Variants in PNKD observed in about 807,000 individuals in gnomAD.
The protein encoded by PNKD is probable thioesterase PNKD.
In PNKD, 36 loss-of-function variants were observed where a neutral mutation model predicts 45.3. That is an observed-to-expected ratio of 0.80 (90% CI 0.61 to 1.05). The LOEUF is 1.05. Among genes scored for constraint, PNKD ranks in the 50% least tolerant of loss-of-function variants. The pLI, the probability that PNKD is intolerant of heterozygous loss-of-function variation, is 0.00. For missense variants in PNKD, 511 were observed against 506.6 expected, an observed-to-expected ratio of 1.01 and a Z score of -0.08; for synonymous variants, 197 against 210.1, an observed-to-expected ratio of 0.94 and a Z score of 0.54.
intron 2 of PNKD, among the ~76,000 whole-genome samples, chr2:218,325,733 G>GT (rs1559526215): frequency 2.0e-5 from 3 of 152,168 alleles, no homozygotes; most frequent in African/African-American, 7.2e-5. Context: ...TCTTGAGGGT[G>GT]TGGGTATGCC....
Position 218,278,037 on chromosome 2 carries a change from C to A in PNKD, c.236+6488C>A, listed in dbSNP as rs891501678. 3.8e-6 allele frequency: 6 copies of A among 1,590,238 alleles called. No individual in the cohort carries two copies. The African/African-American group carries it at 5.4e-5, about 14-fold the overall frequency. On this transcript the variant is annotated intron_variant, in intron 2 of 9. Coordinates refer to ENST00000273077, the MANE Select transcript of PNKD (RefSeq NM_015488.5). The stretch of plus-strand genomic sequence containing the variant: ...GCCCCTCAGGCGTCAGAGGCTCCTA[C>A]AGCAGAAGGAAGCGCTTGGCTCCTG...
chr2:218,340,118 C>G lies in PNKD; in HGVS notation c.442C>G (p.Pro148Ala), dbSNP rs545078283. ...GGCCCAGCTGGCTGTGGCTGTGGACCCTTCAGACCCTCGGGCTGTGCAGGT... is the reference window on the plus strand; with the variant it reads ...GGCCCAGCTGGCTGTGGCTGTGGACGCTTCAGACCCTCGGGCTGTGCAGGT... Reference protein sequence around the residue: ...TQAQLAVAVDPSDPRAVQASI... With the variant: ...TQAQLAVAVDASDPRAVQASI... Residue 148 changes from proline (P) to alanine (A), a missense_variant, in exon 4 of 10, where the codon CCT becomes GCT. Transcript: ENST00000273077. This position sits in a 1 kb window ranked among gnomAD's most constrained non-coding sequence, Gnocchi z 4.2. 1.7e-5 allele frequency: 27 copies of G among 1,612,674 alleles called. No homozygotes were observed. Among genetic ancestry groups the G allele is most frequent in the Non-Finnish European group, 2.0e-5 (23 of 1,178,928 alleles).
intron 2 of PNKD, chr2:218,278,475 CCT>C (rs771779840): frequency 3.7e-5 from 59 of 1,603,144 alleles, no homozygotes; most frequent in African/African-American, 1.3e-4. Context: ...CATCCCAATC[CCT>C]GTCACCCCTC....
In PNKD at chr2:218,339,904, C is replaced by A; in HGVS notation, c.352+6C>A. On this transcript the variant is annotated splice_donor_region_variant and intron_variant, in intron 3 of 9. Coordinates refer to ENST00000273077, the MANE Select transcript of PNKD (RefSeq NM_015488.5). ...CCAGCCCCGCCTCTTCAATGGTGAG[C>A]TCTGACTGCCCCGGCCAGCATCCCC... 1 of 1,588,540 alleles carries A rather than the reference C, an allele frequency of 6.3e-7. No individual in the cohort carries two copies. Among genetic ancestry groups the A allele is most frequent in the Non-Finnish European group, 8.6e-7 (1 of 1,159,044 alleles).
intron 2 of PNKD, among the ~76,000 whole-genome samples, chr2:218,283,004 C>T (rs1692187593): frequency 1.3e-5 from 2 of 152,172 alleles, no homozygotes; most frequent in African/African-American, 4.8e-5. Flanking sequence ...CCCCTTACCC[C>T]CACCCTGGAG....
At chr2:218,280,279 A>C (rs1691756517) in intron 2 of PNKD, 8 of 617,292 alleles carry the variant, frequency 1.3e-5, no homozygotes, top group Non-Finnish European at 2.0e-5. Context: ...TCTTCTAGAC[A>C]CCCTCAGAGT....
intron 1 of PNKD, chr2:218,270,973 C>T (rs1037005629): frequency 3.1e-6 from 1 of 319,498 alleles, no homozygotes; most frequent in Non-Finnish European, 5.7e-6. Context: ...CTCAGGGCTT[C>T]AGTTTCCTCT....
chr2:218,323,303 G>T, intron 2 of PNKD: 1 of 1,557,088 alleles, frequency 6.4e-7, no homozygotes, highest in Non-Finnish European at 8.6e-7. Context: ...CGTGGCAGTG[G>T]GTCGCCGGCT....
Position 218,326,108 on chromosome 2 carries a change from G to A in PNKD, c.237-13675G>A, listed in dbSNP as rs576011878. Among the ~76,000 whole-genome samples, 4 of 152,020 alleles carry A rather than the reference G, an allele frequency of 2.6e-5. No individual in the cohort carries two copies. The highest frequency in any genetic ancestry group is 9.6e-5 in the African/African-American group (4 of 41,456). ...GACAGGACATGATGGGGAGGGGGAG[G>A]GCACATGCACTACCAACCTGAAGGT... On this transcript the variant is annotated intron_variant, in intron 2 of 9. Coordinates refer to ENST00000273077, the MANE Select transcript of PNKD (RefSeq NM_015488.5). The surrounding 1 kb of genome is among the most constrained non-coding windows in gnomAD (Gnocchi z 4.1).
At chr2:218,278,067 T>A in intron 2 of PNKD, 1 of 1,443,454 alleles carries the variant, frequency 6.9e-7, no homozygotes, top group Non-Finnish European at 9.6e-7. Flanking sequence ...CTCCTGTGCC[T>A]GGAGGATTAA....
At chr2:218,277,111 CAAG>C in intron 2 of PNKD, 1 of 1,612,416 alleles carries the variant, frequency 6.2e-7, no homozygotes, top group Non-Finnish European at 8.5e-7. Context: ...TGCCAGGAAG[CAAG>C]AAAGAGGCAC....
At chr2:218,275,752 A>G in intron 2 of PNKD, 3 of 1,148,198 alleles carry the variant, frequency 2.6e-6, no homozygotes, top group Non-Finnish European at 3.7e-6. Context: ...ACAGCATAAC[A>G]TATGGGCTCT....
At position 218,290,232 on chromosome 2, in the gene PNKD, CCT is replaced by C. The variant is rs771319516; in HGVS notation, c.236+18684_236+18685del. ...GAAATTCACAATGGCATATTCTGCC[CCT>C]GAGAAGTCCTGCAGTAAGCAACCCT... On this transcript the variant is annotated intron_variant, in intron 2 of 9. Coordinates refer to ENST00000273077, the MANE Select transcript of PNKD (RefSeq NM_015488.5). 4 of 152,340 alleles carry C rather than the reference CCT, an allele frequency of 2.6e-5. No homozygotes were observed. In the East Asian group the frequency reaches 7.7e-4, roughly 29 times the overall value. The allele number at this position is 152,340 out of a possible 1,614,324, so 9.4% of individuals were successfully genotyped here.
chr2:218,273,987 TATCCAGTG>T (rs1690978170), intron 2 of PNKD, among the ~76,000 whole-genome samples: 1 of 152,216 alleles, frequency 6.6e-6, no homozygotes, highest in African/African-American at 2.4e-5. Context: ...GTCTCTTCCA[TATCCAGTG>T]ATCCAGTGTG....
At chr2:218,331,768 A>G (rs1319265424) in intron 2 of PNKD, among the ~76,000 whole-genome samples, 1 of 151,982 alleles carries the variant, frequency 6.6e-6, no homozygotes, top group African/African-American at 2.4e-5. Flanking sequence ...GCGCCCAGCC[A>G]TGCTTTTGTA....
Position 218,323,099 on chromosome 2 carries a change from C to T in PNKD, c.237-16684C>T, listed in dbSNP as rs780303819. 2.3e-4 allele frequency: 260 copies of T among 1,149,508 alleles called. No homozygotes were observed. The Middle Eastern group carries it at 2.6e-3, about 12-fold the overall frequency. 71.2% of individuals were successfully genotyped at this position (1,149,508 alleles called of 1,614,324 possible). On this transcript the variant is annotated intron_variant, in intron 2 of 9. Coordinates refer to ENST00000273077, the MANE Select transcript of PNKD (RefSeq NM_015488.5). ...CCGGGTGGCCTTCGGGGTGCTTGCC[C>T]GGCTGGAGGTGGTGAGGGGGCGGGT...
At chr2:218,322,872 G>A (rs760402973) in intron 2 of PNKD, among the ~76,000 whole-genome samples, 30 of 152,244 alleles carry the variant, frequency 2.0e-4, no homozygotes, top group Non-Finnish European at 4.1e-4. Context: ...ATGAATGGCA[G>A]CTGACCCCGA....
In PNKD at chr2:218,346,174, C is replaced by T. The variant is rs76752438; in HGVS notation, c.*1193C>T. On this transcript the variant is annotated 3_prime_UTR_variant, in exon 10 of 10. Coordinates refer to ENST00000273077, the MANE Select transcript of PNKD (RefSeq NM_015488.5). ...CTCTGCTGCTCCTCTACTCTTGGGT[C>T]GAGATCCCTTTGGAGCCACAGCGAG... 0.046 allele frequency: 7,088 copies of T among 152,626 alleles called. 299 individuals are homozygous for T. Among genetic ancestry groups the T allele is most frequent in the East Asian group, 0.16 (855 of 5,306 alleles). The allele number at this position is 152,626 out of a possible 1,614,324, so 9.5% of individuals were successfully genotyped here. A position where few individuals can be genotyped will look rare whatever the true frequency, so the allele number is the denominator to read the frequency against.
chr2:218,298,914 C>T (rs1355298141), intron 2 of PNKD, among the ~76,000 whole-genome samples: 1 of 152,100 alleles, frequency 6.6e-6, no homozygotes, highest in Admixed American at 6.6e-5. Flanking sequence ...CAGCGATTTC[C>T]TCTTATTCCC....
Sources: gnomAD v4.1 joint callset for allele counts (sites outside exome capture counted in the v4.1 genomes callset) on GRCh38, gnomAD v4.1.1 for gene constraint, Gnocchi (gnomAD v3.1) non-coding constraint, MANE v1.5 for transcripts, NCBI Gene and HGNC (gene_info 2026-07-23, HGNC 2026-07-21) for gene names.